The following PAWR variants were observed in gnomAD, a reference collection of about 807,000 sequenced individuals.
PAWR encodes pro-apoptotic WT1 regulator, also known as PRKC apoptosis WT1 regulator protein.
In PAWR, 23 loss-of-function variants were observed where a neutral mutation model predicts 32.0. The observed-to-expected ratio is 0.72, with a 90% CI of 0.52 to 1.02. The LOEUF (loss-of-function observed/expected upper bound fraction) is 1.02. PAWR is among the 50% of genes least tolerant of loss of function. PAWR has a pLI of 0.00. For missense variants in PAWR, 457 were observed against 437.7 expected, an observed-to-expected ratio of 1.04 and a Z score of -0.39; for synonymous variants, 226 against 187.1, an observed-to-expected ratio of 1.21 and a Z score of -1.70.
intron 2 of PAWR, among the ~76,000 whole-genome samples, chr12:79,673,570 T>TC (rs1878017140): frequency 6.6e-6 from 1 of 152,156 alleles, no homozygotes; most frequent in Non-Finnish European, 1.5e-5. Context: ...CCTCAGTGAC[T>TC]CCGTTACCAG....
At chr12:79,594,739 G>A (rs891814964) in intron 5 of PAWR, among the ~76,000 whole-genome samples, 1 of 151,692 alleles carries the variant, frequency 6.6e-6, no homozygotes, top group Non-Finnish European at 1.5e-5. Flanking sequence ...ATGTATGTAT[G>A]GCAGTGTTTC....
At chr12:79,597,541 T>C (rs1873807757) in intron 4 of PAWR, among the ~76,000 whole-genome samples, 1 of 152,154 alleles carries the variant, frequency 6.6e-6, no homozygotes, top group Non-Finnish European at 1.5e-5. Flanking sequence ...CATAAAATTA[T>C]AAATAGAAAA....
intron 2 of PAWR, among the ~76,000 whole-genome samples, chr12:79,676,162 T>G (rs773193548): frequency 6.6e-6 from 1 of 152,108 alleles, no homozygotes; most frequent in Non-Finnish European, 1.5e-5. Context: ...CAGTGACCCA[T>G]CTAGAGCTGT....
intron 2 of PAWR, among the ~76,000 whole-genome samples, chr12:79,662,076 T>C (rs1468334495): frequency 1.3e-5 from 2 of 151,884 alleles, no homozygotes; most frequent in African/African-American, 4.8e-5. Context: ...TCAATACGCA[T>C]AGTAGCATTT....
intron 2 of PAWR, among the ~76,000 whole-genome samples, chr12:79,684,555 G>T (rs1384824449): frequency 1.3e-5 from 2 of 151,694 alleles, no homozygotes; most frequent in African/African-American, 4.8e-5. Flanking sequence ...AGGCTGCAGT[G>T]AGCTGAGATC....
intron 2 of PAWR, among the ~76,000 whole-genome samples, chr12:79,628,928 T>C (rs1875475276): frequency 6.6e-6 from 1 of 151,962 alleles, no homozygotes; most frequent in African/African-American, 2.4e-5. Context: ...TGGTATAATA[T>C]TACATAAAAG....
At chr12:79,618,380 C>T (rs1874846138) in intron 3 of PAWR, among the ~76,000 whole-genome samples, 1 of 152,306 alleles carries the variant, frequency 6.6e-6, no homozygotes, top group Non-Finnish European at 1.5e-5. Flanking sequence ...CCACCCACTT[C>T]GGCCTCCCAG....
rs543226908 is a variant in PAWR at position 79,619,756 on chromosome 12, T to C, written c.648+1320A>G. On this transcript the variant is annotated intron_variant, in intron 3 of 6. Transcript: ENST00000328827. ...TATACAACTGATTTCAAATATACTC[T>C]TTCTGAAACAATCTTCCTTGCAATG... 2.6e-4 allele frequency among the ~76,000 whole-genome samples: 40 copies of C among 152,304 alleles called. No individual in the cohort carries two copies. The Middle Eastern group carries it at 0.01, about 39-fold the overall frequency.
intron 4 of PAWR, among the ~76,000 whole-genome samples, chr12:79,597,638 ATT>A (rs1480044522): frequency 6.6e-6 from 1 of 152,226 alleles, no homozygotes; most frequent in Non-Finnish European, 1.5e-5. Context: ...CATATTGATA[ATT>A]TTGTTATGCC....
chr12:79,600,946 A>G (rs763868032), intron 4 of PAWR, among the ~76,000 whole-genome samples: 1 of 152,118 alleles, frequency 6.6e-6, no homozygotes. Flanking sequence ...GATGATGACA[A>G]GTCAAAATGC....
chr12:79,625,459 C>T (rs1272892174), intron 2 of PAWR, among the ~76,000 whole-genome samples: 2 of 151,890 alleles, frequency 1.3e-5, no homozygotes, highest in African/African-American at 2.4e-5. Flanking sequence ...ACATTATAAT[C>T]AAAGTAATAA....
intron 2 of PAWR, among the ~76,000 whole-genome samples, chr12:79,658,645 T>C (rs1877203595): frequency 6.6e-6 from 1 of 152,138 alleles, no homozygotes; most frequent in Non-Finnish European, 1.5e-5. Flanking sequence ...TCAAAATAAA[T>C]AATACAATAA....
intron 3 of PAWR, among the ~76,000 whole-genome samples, chr12:79,618,171 C>A (rs1410869773): frequency 6.6e-6 from 1 of 152,036 alleles, no homozygotes; most frequent in Non-Finnish European, 1.5e-5. Context: ...CGCTGTCACC[C>A]AGGCTGGAAT....
intron 2 of PAWR, among the ~76,000 whole-genome samples, chr12:79,638,863 CATATATATATATATATATAT>C (rs1555237600): frequency 1.4e-3 from 11 of 8,148 alleles, no homozygotes; most frequent in Admixed American, 6.7e-3. Context: ...GAGATGGAGT[CATATATATATATATATATAT>C]ATATATATAT....
At chr12:79,592,954 T>C (rs185502202) in intron 6 of PAWR, among the ~76,000 whole-genome samples, 1 of 152,278 alleles carries the variant, frequency 6.6e-6, no homozygotes, top group Admixed American at 6.5e-5. Context: ...AATTTTAAAA[T>C]TGTGAATCTT....
chr12:79,594,715 G>A (rs1218151408), intron 5 of PAWR, among the ~76,000 whole-genome samples: 1 of 151,728 alleles, frequency 6.6e-6, no homozygotes, highest in Non-Finnish European at 1.5e-5. Context: ...GTGTGTGTGT[G>A]TGTGTGTGTG....
Position 79,671,425 on chromosome 12 carries a change from T to C in PAWR, c.516+18304A>G, listed in dbSNP as rs546898672. Among the ~76,000 whole-genome samples, 6 of 152,340 alleles carry C rather than the reference T, an allele frequency of 3.9e-5. No homozygotes were observed. In the South Asian group the frequency reaches 1.2e-3, roughly 32 times the overall value. On this transcript the variant is annotated intron_variant, in intron 2 of 6. Coordinates refer to ENST00000328827, the MANE Select transcript of PAWR (RefSeq NM_002583.4). Reference sequence around the variant, plus strand: ...CCCTTATGTGTAGTTAGCGTAGAAGTAGCTTCTCTAAATTCAAATATATGG... The same window carrying C: ...CCCTTATGTGTAGTTAGCGTAGAAGCAGCTTCTCTAAATTCAAATATATGG...
intron 2 of PAWR, among the ~76,000 whole-genome samples, chr12:79,645,681 A>G (rs1876541413): frequency 6.6e-6 from 1 of 152,192 alleles, no homozygotes; most frequent in South Asian, 2.1e-4. Context: ...TATACATCTA[A>G]AACTCATAAA....
In PAWR at chr12:79,589,980, ACTGT is replaced by A; in HGVS notation, c.*2623_*2626del. 6.6e-6 allele frequency: 1 copy of A among 152,172 alleles called. No homozygotes were observed. The highest frequency in any genetic ancestry group is 1.5e-5 in the Non-Finnish European group (1 of 68,034). The allele number at this position is 152,172 out of a possible 1,614,324, so 9.4% of individuals were successfully genotyped here. Reference sequence around the variant, plus strand: ...CACTTTTTATAAATTTTCAGGTGAAACTGTAGCAGATCCTACTTTATTTTTCAAT... The same window carrying A: ...CACTTTTTATAAATTTTCAGGTGAAAAGCAGATCCTACTTTATTTTTCAAT... On this transcript the variant is annotated 3_prime_UTR_variant, in exon 7 of 7. Transcript: ENST00000328827.
Sources: allele counts gnomAD v4.1 joint callset (sites outside exome capture counted in the v4.1 genomes callset), GRCh38; gene constraint gnomAD v4.1.1; transcripts MANE v1.5; gene names NCBI Gene and HGNC (gene_info 2026-07-23, HGNC 2026-07-21).